The following PAPPA2 variants were observed in gnomAD, a reference collection of about 807,000 sequenced individuals.
PAPPA2 encodes pappalysin-2.
Under a neutral mutation model 176.4 loss-of-function variants are expected in PAPPA2, and 86 were observed. The ratio of observed to expected loss-of-function variants is 0.49; its 90% CI spans 0.41 to 0.58. The LOEUF (loss-of-function observed/expected upper bound fraction) is 0.58. PAPPA2 is among the 20% of genes least tolerant of loss of function. The pLI, the probability that PAPPA2 is intolerant of heterozygous loss-of-function variation, is 0.00. For missense variants in PAPPA2, 2,073 were observed against 2,256.9 expected (o/e 0.92, Z 1.65); for synonymous variants, 809 against 852.2 (o/e 0.95, Z 0.88).
chr1:176,794,275 T>G (rs996978628), intron 20 of PAPPA2, among the ~76,000 whole-genome samples: 1 of 152,214 alleles, frequency 6.6e-6, no homozygotes, highest in Non-Finnish European at 1.5e-5. Flanking sequence ...TCAAATACAA[T>G]GTCACTTACT....
At chr1:176,631,907 G>A (rs960918661) in intron 3 of PAPPA2, among the ~76,000 whole-genome samples, 1 of 152,178 alleles carries the variant, frequency 6.6e-6, no homozygotes, top group African/African-American at 2.4e-5. Context: ...GGGAGAGATG[G>A]AAAGTGATGG....
chr1:176,606,864 CA>C (rs1350569469), intron 3 of PAPPA2, among the ~76,000 whole-genome samples: 1 of 152,056 alleles, frequency 6.6e-6, no homozygotes, highest in African/African-American at 2.4e-5. Flanking sequence ...ATGTTAAGGC[CA>C]CTCTAAAAAG....
intron 2 of PAPPA2, among the ~76,000 whole-genome samples, chr1:176,564,075 C>G (rs768103526): frequency 1.3e-5 from 2 of 152,192 alleles, no homozygotes; most frequent in African/African-American, 2.4e-5. Flanking sequence ...TTGTCCCCCC[C>G]AGTAAAATCC....
intron 15 of PAPPA2, among the ~76,000 whole-genome samples, chr1:176,768,376 A>G (rs2102909677): frequency 6.6e-6 from 1 of 152,278 alleles, no homozygotes; most frequent in East Asian, 1.9e-4. Flanking sequence ...ATACCATCAC[A>G]CAGGAGCATG....
At chr1:176,807,061 A>C (rs1316308018) in intron 21 of PAPPA2, among the ~76,000 whole-genome samples, 1 of 152,224 alleles carries the variant, frequency 6.6e-6, no homozygotes, top group Non-Finnish European at 1.5e-5. Context: ...ACTCAGTCTA[A>C]GATAGGATGG....
chr1:176,700,741 C>T (rs188263674), intron 8 of PAPPA2, among the ~76,000 whole-genome samples: 42 of 152,200 alleles, frequency 2.8e-4, no homozygotes, highest in East Asian at 5.8e-4. Flanking sequence ...CAATGGGTGG[C>T]GAAATAAACC....
At chr1:176,500,978 G>A (rs566693301) in intron 1 of PAPPA2, among the ~76,000 whole-genome samples, 1 of 151,660 alleles carries the variant, frequency 6.6e-6, no homozygotes, top group East Asian at 1.9e-4. Context: ...ACTGCGTACT[G>A]TCAACCTTAC....
rs1653862325 is a variant in PAPPA2 at position 176,594,722 on chromosome 1, G to A, written c.1118G>A (p.Gly373Glu). 2 of 1,614,138 alleles carry A rather than the reference G, an allele frequency of 1.2e-6. No homozygotes were observed. Among genetic ancestry groups the A allele is most frequent in the Non-Finnish European group, 1.7e-6 (2 of 1,180,056 alleles). ...ACCCATGTGGCAGCCACTTACGATG[G>A]ACGGCACATGGCCCTGTATGTGGAT... The part of the protein sequence containing the change: ...TWTHVAATYD[G>E]RHMALYVDGT... Residue 373 changes from glycine to glutamate, a missense_variant, in exon 3 of 23, where the codon GGA becomes GAA. Physicochemically the swap from Gly to Glu is moderately conservative, Grantham distance 98. Around this residue, in one of 4 missense-constraint regions of PAPPA2, gnomAD observed 1,196 missense variants for 1,330.4 expected, o/e 0.90. Coordinates refer to ENST00000367662, the MANE Select transcript of PAPPA2 (RefSeq NM_020318.3).
intron 14 of PAPPA2, among the ~76,000 whole-genome samples, chr1:176,756,122 C>A (rs1301003148): frequency 6.6e-6 from 1 of 152,194 alleles, no homozygotes; most frequent in South Asian, 2.1e-4. Flanking sequence ...TCACGCCCAG[C>A]TAATTTTGTA....
intron 1 of PAPPA2, among the ~76,000 whole-genome samples, chr1:176,527,849 G>A (rs1366949488): frequency 6.6e-6 from 1 of 152,222 alleles, no homozygotes; most frequent in Non-Finnish European, 1.5e-5. Context: ...AAGGCTGGCA[G>A]CTCTGCCCAG....
chr1:176,557,643 G>A (rs1474927292), intron 2 of PAPPA2, among the ~76,000 whole-genome samples: 2 of 152,178 alleles, frequency 1.3e-5, no homozygotes, highest in South Asian at 4.1e-4. Context: ...GAGAATCCAA[G>A]GACCTGAGCA....
chr1:176,804,601 C>A (rs1665817045), intron 21 of PAPPA2, among the ~76,000 whole-genome samples: 1 of 152,124 alleles, frequency 6.6e-6, no homozygotes, highest in Admixed American at 6.6e-5. Context: ...CACCCTCAAC[C>A]ACAGATGGGT....
At position 176,699,436 on chromosome 1, in the gene PAPPA2, G is replaced by C; in HGVS notation, c.3083G>C (p.Arg1028Thr). The change falls in exon 8 of 23, where the codon AGG (arginine) becomes ACG (threonine). Residue 1028 changes from arginine (R) to threonine (T), a missense_variant. This residue lies in a region of PAPPA2 where 1,196 missense variants were observed against 1,330.4 expected (regional missense o/e 0.90). Transcript: ENST00000367662. ...SGVKVYTFDE[R>T]IEIDAALLTS... is the part of the protein sequence containing the mutation. ...GTGAAAGTCTACACCTTTGATGAGA[G>C]GATAGAGATTGATGCAGCACTCCTG... The C allele has an allele frequency of 1.2e-6, 2 of 1,614,152 alleles. No individual in the cohort carries two copies. Among genetic ancestry groups the C allele is most frequent in the Non-Finnish European group, 1.7e-6 (2 of 1,180,030 alleles).
chr1:176,546,618 A>T (rs1650650622), intron 1 of PAPPA2, among the ~76,000 whole-genome samples: 1 of 152,250 alleles, frequency 6.6e-6, no homozygotes, highest in Admixed American at 6.5e-5. Context: ...ACTCAGTAGC[A>T]ATAATTATTG....
intron 3 of PAPPA2, among the ~76,000 whole-genome samples, chr1:176,643,386 C>T (rs1171782026): frequency 6.6e-6 from 1 of 151,136 alleles, no homozygotes; most frequent in Non-Finnish European, 1.5e-5. Flanking sequence ...GGTCTGCAAG[C>T]TACCTATGAT....
intron 14 of PAPPA2, among the ~76,000 whole-genome samples, chr1:176,756,804 G>A (rs916565599): frequency 1.3e-5 from 2 of 151,962 alleles, no homozygotes; most frequent in African/African-American, 4.8e-5. Flanking sequence ...TTGGTTTGCC[G>A]CACCCATCAA....
At chr1:176,561,307 T>C (rs1463698280) in intron 2 of PAPPA2, among the ~76,000 whole-genome samples, 8 of 152,134 alleles carry the variant, frequency 5.3e-5, no homozygotes, top group African/African-American at 1.4e-4. Flanking sequence ...GAACAAGTCA[T>C]GTATGTAAAG....
At chr1:176,470,576 T>A (rs1373778328) in intron 1 of PAPPA2, among the ~76,000 whole-genome samples, 1 of 152,022 alleles carries the variant, frequency 6.6e-6, no homozygotes, top group East Asian at 1.9e-4. Flanking sequence ...CATGGAACAC[T>A]CCTAGAGAAG....
At chr1:176,631,575 T>C (rs547086823) in intron 3 of PAPPA2, among the ~76,000 whole-genome samples, 2 of 152,244 alleles carry the variant, frequency 1.3e-5, no homozygotes, top group Admixed American at 6.5e-5. Context: ...AGAGTATGGG[T>C]AAAATCAAAC....
Sources: gnomAD v4.1 joint callset for allele counts (sites outside exome capture counted in the v4.1 genomes callset) on GRCh38, gnomAD v4.1.1 for gene constraint, gnomAD v4.1.1 regional missense constraint, MANE v1.5 for transcripts, NCBI Gene and HGNC (gene_info 2026-07-23, HGNC 2026-07-21) for gene names.